STX1A: variants seen among roughly 807,000 people sequenced by gnomAD.
STX1A encodes the protein syntaxin-1A.
In STX1A, 4 loss-of-function variants were observed where a neutral mutation model predicts 37.8. The ratio of observed to expected loss-of-function variants is 0.11; its 90% CI spans 0.05 to 0.24. The LOEUF (loss-of-function observed/expected upper bound fraction) is 0.24, where lower values mean the gene tolerates loss of function less well. Ranked by LOEUF, STX1A falls within the 10% of genes least tolerant of loss-of-function variation. The pLI is 1.00. For missense variants in STX1A, 251 were observed against 399.9 expected (o/e 0.63, Z 3.18); for synonymous variants, 135 against 147.4 (o/e 0.92, Z 0.61).
intron 4 of STX1A, 163 bp downstream of exon 4, chr7:73,704,987 G>A (rs782565449): frequency 1.2e-5 from 9 of 736,124 alleles, no homozygotes; most frequent in Non-Finnish European, 1.9e-5. Flanking sequence ...TGGCACCAAC[G>A]GGCCTTGCCA....
chr7:73,704,123 GC>G, intron 6 of STX1A, 24 bp downstream of exon 6: 1 of 685,550 alleles, frequency 1.5e-6, no homozygotes, highest in Non-Finnish European at 2.3e-6. Flanking sequence ...TCCAGGCCCC[GC>G]CCCAGGCCCC....
At chr7:73,718,216 C>T (rs1404794938) in intron 1 of STX1A, among the ~76,000 whole-genome samples, 7 of 152,198 alleles carry the variant, frequency 4.6e-5, no homozygotes, top group African/African-American at 1.4e-4. Context: ...CATCTTCTTC[C>T]TTTGAAACCT....
chr7:73,719,576 C>G (rs1799422889), intron 1 of STX1A, 26 bp downstream of exon 1: 1 of 1,206,374 alleles, frequency 8.3e-7, no homozygotes, highest in East Asian at 3.5e-5. Flanking sequence ...GGGCGGCGGG[C>G]GGCCGCGCGC....
intron 8 of STX1A, chr7:73,701,222 G>C: frequency 4.1e-6 from 2 of 486,700 alleles, no homozygotes; most frequent in South Asian, 7.0e-5. Flanking sequence ...GTGGCCACAG[G>C]TGAGCCTGCC....
intron 8 of STX1A, among the ~76,000 whole-genome samples, chr7:73,701,935 AAAAC>A (rs1430208978): frequency 1.3e-5 from 2 of 152,174 alleles, no homozygotes; most frequent in African/African-American, 4.8e-5. Context: ...TTGCTAAAAC[AAAAC>A]AAACAACCCA....
At position 73,709,328 on chromosome 7, in the gene STX1A, C is replaced by T. The variant is rs556301468; in HGVS notation, c.31-206G>A. On this transcript the variant is annotated intron_variant, in intron 1 of 9. Transcript: ENST00000222812. This position sits in a 1 kb window ranked among gnomAD's most constrained non-coding sequence, Gnocchi z 4.2. ...GGGGGCCCGGCACAGAGAGAGGAAC[C>T]TTGCCTGATACACTGGTGTCAAGGC... is the stretch of plus-strand genomic sequence containing the variant. Among the ~76,000 whole-genome samples, 2 of 152,216 alleles carry T rather than the reference C, an allele frequency of 1.3e-5. No homozygotes were observed. Among genetic ancestry groups the T allele is most frequent in the Admixed American group, 6.5e-5 (1 of 15,300 alleles).
chr7:73,700,089 G>A lies in STX1A; in HGVS notation c.*318C>T, dbSNP rs1176674282. ...GGGAAGAGCAGAACCTGGGCCCACC[G>A]AGTTACTGAAGGCAAGGAAGGGTGG... On this transcript the variant is annotated 3_prime_UTR_variant, in exon 10 of 10. Transcript: ENST00000222812. This position sits in a 1 kb window ranked among gnomAD's most constrained non-coding sequence, Gnocchi z 4.4. 8 of 449,218 alleles carry A rather than the reference G, an allele frequency of 1.8e-5. No individual in the cohort carries two copies. Among genetic ancestry groups the A allele is most frequent in the Admixed American group, 1.1e-4 (3 of 27,416 alleles). 27.8% of individuals were successfully genotyped at this position (449,218 alleles called of 1,614,324 possible).
chr7:73,704,500 C>A (rs1798798291), intron 4 of STX1A, 77 bp from the exon 5 acceptor site: 10 of 1,557,504 alleles, frequency 6.4e-6, no homozygotes, highest in Non-Finnish European at 8.8e-6. Flanking sequence ...CAGCATCTAT[C>A]CACCTTCCCA....
chr7:73,716,854 G>A (rs1220829234), intron 1 of STX1A: 2 of 152,410 alleles, frequency 1.3e-5, no homozygotes, highest in African/African-American at 4.8e-5. Flanking sequence ...AGCCTGAGTG[G>A]GGCTCCTGGG....
chr7:73,704,730 G>C (rs559472738), intron 4 of STX1A: 4 of 527,972 alleles, frequency 7.6e-6, no homozygotes, highest in Non-Finnish European at 1.4e-5. Context: ...GGCTGTGTAC[G>C]AGGGACCATG....
At chr7:73,711,564 T>C (rs1554617952) in intron 1 of STX1A, among the ~76,000 whole-genome samples, 1 of 152,002 alleles carries the variant, frequency 6.6e-6, no homozygotes, top group African/African-American at 2.4e-5. Context: ...TTTCACGCTT[T>C]TAGACCGTGA....
chr7:73,701,170 G>A (rs1265561234), intron 8 of STX1A: 2 of 579,944 alleles, frequency 3.4e-6, no homozygotes, highest in Non-Finnish European at 6.1e-6. Flanking sequence ...AGCAGGAGTG[G>A]GTATGCTGGA....
At chr7:73,712,016 T>C (rs548717440) in intron 1 of STX1A, among the ~76,000 whole-genome samples, 2 of 151,900 alleles carry the variant, frequency 1.3e-5, no homozygotes, top group African/African-American at 4.8e-5. Flanking sequence ...GATGCCCGCA[T>C]CCTCCTCTGG....
At chr7:73,714,323 G>A (rs889487914) in intron 1 of STX1A, among the ~76,000 whole-genome samples, 8 of 151,978 alleles carry the variant, frequency 5.3e-5, no homozygotes, top group Non-Finnish European at 1.0e-4. Flanking sequence ...GGCCAGGCTG[G>A]TCTTGAATTC....
Position 73,717,057 on chromosome 7 carries a change from G to T in STX1A, c.30+2545C>A, listed in dbSNP as rs1389415974. On this transcript the variant is annotated intron_variant, in intron 1 of 9. Transcript: ENST00000222812. The surrounding 1 kb of genome is among the most constrained non-coding windows in gnomAD (Gnocchi z 4.1). ...GAGGGAGAGTTGGGAGCTGGAGAAG[G>T]CTGGAGAAGGCTGGAGGGCTGGGCC... 6.6e-6 allele frequency among the ~76,000 whole-genome samples: 1 copy of T among 152,132 alleles called. No homozygotes were observed. The highest frequency in any genetic ancestry group is 2.1e-4 in the South Asian group (1 of 4,826).
chr7:73,718,403 G>A (rs1272046502), intron 1 of STX1A, among the ~76,000 whole-genome samples: 2 of 152,120 alleles, frequency 1.3e-5, no homozygotes, highest in Non-Finnish European at 2.9e-5. Context: ...CCAACTCAGG[G>A]AGCCTCTGGG....
At chr7:73,701,021 C>A in intron 8 of STX1A, 181 bp from the exon 9 acceptor site, 1 of 1,221,236 alleles carries the variant, frequency 8.2e-7, no homozygotes. Flanking sequence ...GCCAGGCAGG[C>A]TCCCCAAGGC....
intron 7 of STX1A, chr7:73,703,291 C>G (rs1348867208): frequency 9.1e-6 from 5 of 550,568 alleles, no homozygotes; most frequent in Non-Finnish European, 1.7e-5. Flanking sequence ...TTGACTGCCC[C>G]GTGGACCCAA....
rs1336100007 is a variant in STX1A at position 73,702,111 on chromosome 7, G to A, written c.678+734C>T. Reference sequence around the variant, plus strand: ...CTGAAATAAGTCTGGGTCTTGCTGGGCTTGGGACCTTAGTGTTGCTGGGGC... The same window carrying A: ...CTGAAATAAGTCTGGGTCTTGCTGGACTTGGGACCTTAGTGTTGCTGGGGC... On this transcript the variant is annotated intron_variant, in intron 8 of 9. Coordinates refer to ENST00000222812, the MANE Select transcript of STX1A (RefSeq NM_004603.4). The surrounding 1 kb of genome is among the most constrained non-coding windows in gnomAD (Gnocchi z 4.7). Among the ~76,000 whole-genome samples the A allele has an allele frequency of 6.6e-6, 1 of 152,132 alleles. No homozygotes were observed. The highest frequency in any genetic ancestry group is 2.4e-5 in the African/African-American group (1 of 41,428).
Sources: gnomAD v4.1 joint callset for allele counts (sites outside exome capture counted in the v4.1 genomes callset) on GRCh38, gnomAD v4.1.1 for gene constraint, Gnocchi (gnomAD v3.1) non-coding constraint, MANE v1.5 for transcripts, NCBI Gene and HGNC (gene_info 2026-07-23, HGNC 2026-07-21) for gene names.